The following TMEM236 variants were observed in gnomAD, a reference collection of about 807,000 sequenced individuals.
The protein encoded by TMEM236 is family with sequence similarity 23, member A.
In TMEM236, 11 loss-of-function variants were observed where a neutral mutation model predicts 14.7. The observed-to-expected ratio is 0.75, with a 90% CI of 0.47 to 1.24. TMEM236 has a LOEUF of 1.24. Ranked by LOEUF, TMEM236 falls within the 50% of genes most tolerant of loss-of-function variation. The pLI is 0.00. For synonymous variants in TMEM236, 182 were observed against 168.6 expected (o/e 1.08, Z -0.62); for missense variants, 464 against 427.3 (o/e 1.09, Z -0.76).
At chr10:17,752,790 C>T (rs1488086440) in intron 1 of TMEM236, among the ~76,000 whole-genome samples, 2 of 152,156 alleles carry the variant, frequency 1.3e-5, no homozygotes, top group African/African-American at 4.8e-5. Flanking sequence ...TAGTCTTGAA[C>T]TCCTGACCTC....
chr10:17,764,293 C>T (rs1170118834), intron 1 of TMEM236, among the ~76,000 whole-genome samples: 1 of 152,056 alleles, frequency 6.6e-6, no homozygotes, highest in Non-Finnish European at 1.5e-5. Flanking sequence ...GTTAATAGGT[C>T]CCATTCCTAG....
intron 3 of TMEM236, among the ~76,000 whole-genome samples, chr10:17,777,547 G>T (rs1554835224): frequency 6.6e-6 from 1 of 152,086 alleles, no homozygotes; most frequent in Non-Finnish European, 1.5e-5. Flanking sequence ...TCCTGCATCA[G>T]CCTCCTGAGT....
chr10:17,773,022 G>T (rs1175725132), intron 2 of TMEM236, among the ~76,000 whole-genome samples: 8 of 152,184 alleles, frequency 5.3e-5, no homozygotes, highest in Admixed American at 4.6e-4. Context: ...GTTTTCAGCT[G>T]TAGAGTATTA....
In TMEM236 at chr10:17,798,836, T is replaced by G; in HGVS notation, c.*2332T>G. ...GAGCACATTTTCTGGCAAACCATAA[T>G]AACTTGATAAATGCTAAGCATTGGA... On this transcript the variant is annotated 3_prime_UTR_variant, in exon 4 of 4. Transcript: ENST00000377495. 1 of 385,884 alleles carries G rather than the reference T, an allele frequency of 2.6e-6. No homozygotes were observed. The highest frequency in any genetic ancestry group is 2.0e-5 in the South Asian group (1 of 49,694). 23.9% of individuals were successfully genotyped at this position (385,884 alleles called of 1,614,324 possible).
At chr10:17,774,405 C>A (rs1554835051) in intron 2 of TMEM236, among the ~76,000 whole-genome samples, 1 of 152,176 alleles carries the variant, frequency 6.6e-6, no homozygotes, top group African/African-American at 2.4e-5. Context: ...CACAATACAT[C>A]TGGAACTGAT....
intron 1 of TMEM236, among the ~76,000 whole-genome samples, chr10:17,765,844 C>T (rs1837454137): frequency 6.6e-6 from 1 of 152,178 alleles, no homozygotes. Flanking sequence ...GCACCAGTCT[C>T]CCTGGCTTTG....
intron 1 of TMEM236, 64 bp from the exon 2 acceptor site, chr10:17,771,245 A>G: frequency 1.3e-6 from 2 of 1,499,390 alleles, no homozygotes; most frequent in South Asian, 1.1e-5. Flanking sequence ...AAAATTAGCA[A>G]AATGTAAGAG....
chr10:17,754,492 T>A (rs1298087238), intron 1 of TMEM236, among the ~76,000 whole-genome samples: 1 of 151,800 alleles, frequency 6.6e-6, no homozygotes, highest in African/African-American at 2.4e-5. Flanking sequence ...ACCCGGCTAC[T>A]TTTTTTGTGT....
chr10:17,796,202 G>T lies in TMEM236; in HGVS notation c.754G>T (p.Val252Leu). 1.2e-6 allele frequency: 2 copies of T among 1,613,978 alleles called. No individual in the cohort carries two copies. Among genetic ancestry groups the T allele is most frequent in the Non-Finnish European group, 8.5e-7 (1 of 1,179,878 alleles). Residue 252 changes from valine (V) to leucine (L), a missense_variant, in exon 4 of 4, where the codon GTG (valine) becomes TTG (leucine). Coordinates refer to ENST00000377495, the MANE Select transcript of TMEM236 (RefSeq NM_001098844.3). Reference protein sequence around the residue: ...FLLWSDTIEMVRVAGHPNVYK... With the variant: ...FLLWSDTIEMLRVAGHPNVYK... Reference sequence around the variant, plus strand: ...CCTGTGGTCTGACACGATAGAAATGGTGCGTGTGGCTGGTCACCCCAACGT... The same window carrying T: ...CCTGTGGTCTGACACGATAGAAATGTTGCGTGTGGCTGGTCACCCCAACGT...
At chr10:17,793,573 T>G (rs1837962231) in intron 3 of TMEM236, among the ~76,000 whole-genome samples, 1 of 152,240 alleles carries the variant, frequency 6.6e-6, no homozygotes, top group Non-Finnish European at 1.5e-5. Flanking sequence ...AACCTCCTCC[T>G]ACCGGGTTCA....
chr10:17,786,967 C>G (rs1033396552), intron 3 of TMEM236, among the ~76,000 whole-genome samples: 32 of 152,216 alleles, frequency 2.1e-4, no homozygotes, highest in Non-Finnish European at 4.4e-4. Flanking sequence ...TCTTCATTCT[C>G]TCTTGCTGCC....
chr10:17,799,269 C>G lies in TMEM236; in HGVS notation c.*2765C>G, dbSNP rs1301776747. The G allele has an allele frequency of 6.4e-6, 1 of 155,682 alleles. No homozygotes were observed. The highest frequency in any genetic ancestry group is 6.2e-5 in the Admixed American group (1 of 16,058). The allele number at this position is 155,682 out of a possible 1,614,324, so 9.6% of individuals were successfully genotyped here. A position where few individuals can be genotyped will look rare whatever the true frequency, so the allele number is the denominator to read the frequency against. On this transcript the variant is annotated 3_prime_UTR_variant, in exon 4 of 4. Coordinates refer to ENST00000377495, the MANE Select transcript of TMEM236 (RefSeq NM_001098844.3). ...ACAATGCATCTCTCTCTTCATCAAT[C>G]AACGCTGCAGGTGCTTACAAGACTT...
chr10:17,761,824 T>C (rs910326097), intron 1 of TMEM236, among the ~76,000 whole-genome samples: 1,540 of 152,322 alleles, frequency 0.01, 28 homozygotes, highest in African/African-American at 0.034. Context: ...GGCAAACTCT[T>C]ACTGTTCGTC....
intron 1 of TMEM236, among the ~76,000 whole-genome samples, chr10:17,757,991 A>C (rs933857736): frequency 2.4e-4 from 37 of 151,592 alleles, no homozygotes; most frequent in Admixed American, 1.8e-3. Context: ...CTAGTCTCCA[A>C]CTCCTGACCT....
At chr10:17,762,889 G>A (rs1837399472) in intron 1 of TMEM236, among the ~76,000 whole-genome samples, 1 of 151,486 alleles carries the variant, frequency 6.6e-6, no homozygotes, top group South Asian at 2.1e-4. Context: ...CTGAACTCAG[G>A]CAATCCATCT....
In TMEM236 at chr10:17,796,092, C is replaced by A; in HGVS notation, c.644C>A (p.Pro215His). The A allele has an allele frequency of 6.2e-7, 1 of 1,613,788 alleles. No individual in the cohort carries two copies. ...AGCCAGGAGTCTGTGTTCATGGGACCCCAGGAGCCCTCCTGTGACTCCGGA... is the reference window on the plus strand; with the variant it reads ...AGCCAGGAGTCTGTGTTCATGGGACACCAGGAGCCCTCCTGTGACTCCGGA... Reference protein sequence around the residue: ...TRSQESVFMGPQEPSCDSGIL... With the variant: ...TRSQESVFMGHQEPSCDSGIL... Residue 215 changes from proline (P) to histidine (H), a missense_variant, in exon 4 of 4, where the codon CCC (proline) becomes CAC (histidine). By Grantham distance (77) the Pro-to-His change is moderately conservative. Transcript: ENST00000377495.
chr10:17,774,325 G>A (rs951604852), intron 2 of TMEM236, among the ~76,000 whole-genome samples: 7 of 152,204 alleles, frequency 4.6e-5, no homozygotes, highest in Non-Finnish European at 1.0e-4. Context: ...GATTTCAGGT[G>A]TGAGTCACTG....
At chr10:17,766,549 C>T (rs1262815523) in intron 1 of TMEM236, among the ~76,000 whole-genome samples, 1 of 152,206 alleles carries the variant, frequency 6.6e-6, no homozygotes, top group Non-Finnish European at 1.5e-5. Flanking sequence ...CCAACAGTCT[C>T]TTCAAGGCAA....
At chr10:17,770,433 G>A (rs980234737) in intron 1 of TMEM236, among the ~76,000 whole-genome samples, 2 of 151,958 alleles carry the variant, frequency 1.3e-5, no homozygotes, top group Non-Finnish European at 2.9e-5. Flanking sequence ...GCCCAGGCTG[G>A]AGTGCAGTGG....
Sources: allele counts gnomAD v4.1 joint callset (sites outside exome capture counted in the v4.1 genomes callset), GRCh38; gene constraint gnomAD v4.1.1; transcripts MANE v1.5; gene names NCBI Gene and HGNC (gene_info 2026-07-23, HGNC 2026-07-21).